FOXP1: variants seen among roughly 807,000 people sequenced by gnomAD.
FOXP1 encodes forkhead box P1.
A neutral mutation model predicts 98.2 loss-of-function variants in FOXP1; 15 were observed. The ratio of observed to expected loss-of-function variants is 0.15; its 90% CI spans 0.10 to 0.24. The LOEUF (loss-of-function observed/expected upper bound fraction) is 0.24, where lower values mean the gene tolerates loss of function less well. FOXP1 is among the 10% of genes least tolerant of loss of function. The pLI is 1.00. For synonymous variants in FOXP1, 371 were observed against 314.5 expected, an observed-to-expected ratio of 1.18 and a Z score of -1.90; for missense variants, 633 against 848.5, an observed-to-expected ratio of 0.75 and a Z score of 3.15.
intron 14 of FOXP1, among the ~76,000 whole-genome samples, chr3:70,984,057 TAGAAA>T (rs1171773425): frequency 6.6e-6 from 1 of 152,204 alleles, no homozygotes; most frequent in African/African-American, 2.4e-5. Flanking sequence ...TTTCTTTCCA[TAGAAA>T]AGAATAGAAT....
intron 5 of FOXP1, among the ~76,000 whole-genome samples, chr3:71,212,960 A>G (rs1243161812): frequency 6.6e-6 from 1 of 151,250 alleles, no homozygotes; most frequent in East Asian, 1.9e-4. Flanking sequence ...ATATATATAT[A>G]TATATATATA....
At chr3:71,009,349 G>A (rs1025933651) in intron 12 of FOXP1, among the ~76,000 whole-genome samples, 1 of 152,000 alleles carries the variant, frequency 6.6e-6, no homozygotes, top group African/African-American at 2.4e-5. Context: ...AGCCATACTC[G>A]TTCCTTGTTC....
At chr3:71,576,966 A>G (rs2047768001) in intron 2 of FOXP1, among the ~76,000 whole-genome samples, 1 of 152,158 alleles carries the variant, frequency 6.6e-6, no homozygotes, top group Non-Finnish European at 1.5e-5. Flanking sequence ...GGCATGTATT[A>G]AAGACTGGCA....
intron 17 of FOXP1, among the ~76,000 whole-genome samples, chr3:70,974,150 A>T (rs2036986671): frequency 6.6e-6 from 1 of 152,154 alleles, no homozygotes; most frequent in African/African-American, 2.4e-5. Flanking sequence ...TACCCAGGTG[A>T]CTATGAAAGG....
intron 2 of FOXP1, among the ~76,000 whole-genome samples, chr3:71,543,094 G>A (rs1281221041): frequency 6.6e-6 from 1 of 152,208 alleles, no homozygotes; most frequent in African/African-American, 2.4e-5. Context: ...TTGACCCACA[G>A]CTTGTAGTGT....
At chr3:71,130,306 G>A (rs1356843304) in intron 6 of FOXP1, among the ~76,000 whole-genome samples, 1 of 152,096 alleles carries the variant, frequency 6.6e-6, no homozygotes, top group African/African-American at 2.4e-5. Flanking sequence ...GGAGTTAGAA[G>A]GAAACGGTCC....
chr3:71,444,584 G>A (rs774956852), intron 3 of FOXP1, among the ~76,000 whole-genome samples: 15 of 152,168 alleles, frequency 9.9e-5, no homozygotes, highest in Admixed American at 3.9e-4. Flanking sequence ...CAGATAGGAG[G>A]TTTAATTTGC....
chr3:71,482,997 G>A (rs1373777637), intron 3 of FOXP1, among the ~76,000 whole-genome samples: 4 of 151,564 alleles, frequency 2.6e-5, no homozygotes, highest in African/African-American at 7.3e-5. Flanking sequence ...TACCACATCC[G>A]GCTAATTTTT....
intron 11 of FOXP1, among the ~76,000 whole-genome samples, chr3:71,017,263 AAT>A (rs1411847542): frequency 6.6e-6 from 1 of 152,072 alleles, no homozygotes; most frequent in Non-Finnish European, 1.5e-5. Flanking sequence ...GCAAAAATAG[AAT>A]TTTAAGAATT....
chr3:71,002,491 G>A (rs915380427), intron 12 of FOXP1, among the ~76,000 whole-genome samples: 8 of 152,132 alleles, frequency 5.3e-5, no homozygotes, highest in Admixed American at 1.3e-4. Flanking sequence ...AAGGAAGCCC[G>A]AGCTAAGCAG....
chr3:71,194,690 T>G (rs2063197942), intron 6 of FOXP1, among the ~76,000 whole-genome samples: 1 of 152,074 alleles, frequency 6.6e-6, no homozygotes, highest in Admixed American at 6.6e-5. Flanking sequence ...ATAGAAATGG[T>G]GCAGGGATAA....
At chr3:71,412,835 A>G (rs1247394098) in intron 3 of FOXP1, among the ~76,000 whole-genome samples, 1 of 152,192 alleles carries the variant, frequency 6.6e-6, no homozygotes, top group East Asian at 1.9e-4. Context: ...AAAATTGACA[A>G]GGGAGAATAA....
chr3:71,511,337 C>T (rs1382814352), intron 2 of FOXP1, among the ~76,000 whole-genome samples: 1 of 152,148 alleles, frequency 6.6e-6, no homozygotes, highest in East Asian at 1.9e-4. Flanking sequence ...ACAGTGTAGT[C>T]AGCCTCACTT....
At chr3:71,147,731 G>C (rs1349834033) in intron 6 of FOXP1, among the ~76,000 whole-genome samples, 1 of 152,128 alleles carries the variant, frequency 6.6e-6, no homozygotes, top group Non-Finnish European at 1.5e-5. Flanking sequence ...ACAACCAAAT[G>C]AATAAATGAT....
chr3:71,206,868 C>A (rs1576378856), intron 5 of FOXP1, among the ~76,000 whole-genome samples: 1 of 152,064 alleles, frequency 6.6e-6, no homozygotes, highest in South Asian at 2.1e-4. Context: ...GTTTAAGTGC[C>A]GTAATCATAG....
At chr3:71,158,812 A>G (rs868470531) in intron 6 of FOXP1, among the ~76,000 whole-genome samples, 2 of 151,988 alleles carry the variant, frequency 1.3e-5, no homozygotes, top group Middle Eastern at 3.4e-3. Context: ...GTGGAAATAA[A>G]CAGTTGAAAA....
intron 7 of FOXP1, among the ~76,000 whole-genome samples, chr3:71,075,058 G>C (rs1415776236): frequency 6.6e-6 from 1 of 152,220 alleles, no homozygotes; most frequent in Non-Finnish European, 1.5e-5. Context: ...TGTCTCAGAT[G>C]TAAACATGAA....
rs2034678143 is a variant in FOXP1, at chr3:70,965,976, T to C, written c.1803A>G (p.Ala601=). 6 of 1,614,162 alleles carry C rather than the reference T, an allele frequency of 3.7e-6. No homozygotes were observed. The highest frequency in any genetic ancestry group is 5.1e-6 in the Non-Finnish European group (6 of 1,180,026). ...GNPTLGNLAS[A]IREELNGAME... ...TTGCCCCGTTCAGCTCTTCCCGTAT[T>C]GCGCTGGCTAAGTTGCCCAGAGTGG... Residue 601 remains alanine (A), a synonymous_variant, in exon 20 of 21, where the codon GCA becomes GCG. Coordinates refer to ENST00000649528, the MANE Select transcript of FOXP1 (RefSeq NM_001349338.3).
At chr3:71,179,736 G>A (rs1244838987) in intron 6 of FOXP1, among the ~76,000 whole-genome samples, 2 of 152,120 alleles carry the variant, frequency 1.3e-5, no homozygotes, top group Non-Finnish European at 2.9e-5. Context: ...TACAAGAAAG[G>A]GAAAACAGGG....
Sources: gnomAD v4.1 joint callset for allele counts (sites outside exome capture counted in the v4.1 genomes callset) on GRCh38, gnomAD v4.1.1 for gene constraint, MANE v1.5 for transcripts, NCBI Gene and HGNC (gene_info 2026-07-23, HGNC 2026-07-21) for gene names.